The following PPP4R1 variants were observed in gnomAD, a reference collection of about 807,000 sequenced individuals.
The protein encoded by PPP4R1 is protein phosphatase 4 regulatory subunit 1, also known as serine/threonine-protein phosphatase 4 regulatory subunit 1.
In PPP4R1, 42 loss-of-function variants were observed where a neutral mutation model predicts 111.2. The ratio of observed to expected loss-of-function variants is 0.38; its 90% CI spans 0.29 to 0.49. The LOEUF (loss-of-function observed/expected upper bound fraction) is 0.49. Among genes scored for constraint, PPP4R1 ranks in the 20% least tolerant of loss-of-function variants. PPP4R1 has a pLI of 0.97. For synonymous variants in PPP4R1, 409 were observed against 405.5 expected (o/e 1.01, Z -0.10); for missense variants, 1,012 against 1,161.6 (o/e 0.87, Z 1.87).
intron 18 of PPP4R1, 79 bp downstream of exon 18, chr18:9,549,973 G>A: frequency 1.3e-6 from 2 of 1,579,800 alleles, no homozygotes; most frequent in Non-Finnish European, 1.7e-6. Flanking sequence ...GGAAGAGGGT[G>A]AGAGAGAGGT....
At chr18:9,561,220 A>AATAATAATG (rs2066669770) in intron 13 of PPP4R1, among the ~76,000 whole-genome samples, 1 of 28,378 alleles carries the variant, frequency 3.5e-5, no homozygotes, top group Non-Finnish European at 7.2e-5. Flanking sequence ...CTCCATCTCT[A>AATAATAATG]ATAATAATAA....
intron 16 of PPP4R1, 197 bp from the exon 17 acceptor site, chr18:9,550,595 T>C (rs1441661567): frequency 8.2e-6 from 5 of 608,338 alleles, no homozygotes; most frequent in East Asian, 3.0e-5. Context: ...TTACATGCTA[T>C]TCAAGTTCCT....
At chr18:9,615,750 A>C (rs2067681060), upstream of PPP4R1, among the ~76,000 whole-genome samples, 2 of 152,142 alleles carry the variant, frequency 1.3e-5, no homozygotes, top group Admixed American at 6.6e-5. Context: ...AGGGAATTCT[A>C]AGTAGTTAAT....
At chr18:9,552,650 G>A (rs1249076800) in intron 16 of PPP4R1, among the ~76,000 whole-genome samples, 1 of 152,132 alleles carries the variant, frequency 6.6e-6, no homozygotes, top group East Asian at 1.9e-4. Flanking sequence ...ATATGGCCTT[G>A]CAAATTCACC....
chr18:9,590,625 C>T (rs988956253), intron 4 of PPP4R1, among the ~76,000 whole-genome samples: 5 of 151,884 alleles, frequency 3.3e-5, no homozygotes, highest in African/African-American at 1.2e-4. Flanking sequence ...TACAGACAAC[C>T]GATTTATTAA....
Position 9,563,557 on chromosome 18 carries a change from G to A in PPP4R1, c.1574-7C>T, listed in dbSNP as rs1238171310. ...GACAGCACTTCCACTTGTGCTACAG[G>A]CAAAATAAGGAAATGGACAAAGTGA... On this transcript the variant is annotated splice_region_variant and splice_polypyrimidine_tract_variant and intron_variant, in intron 11 of 19. Transcript: ENST00000400556. 2 of 1,569,484 alleles carry A rather than the reference G, an allele frequency of 1.3e-6. No homozygotes were observed. The highest frequency in any genetic ancestry group is 1.4e-5 in the African/African-American group (1 of 73,484).
chr18:9,581,421 C>A (rs1353497065), intron 9 of PPP4R1, among the ~76,000 whole-genome samples: 1 of 152,026 alleles, frequency 6.6e-6, no homozygotes, highest in Non-Finnish European at 1.5e-5. Flanking sequence ...CTGAAAAGTG[C>A]AATGACTAAA....
intron 2 of PPP4R1, among the ~76,000 whole-genome samples, chr18:9,598,422 G>A (rs917299734): frequency 5.3e-5 from 8 of 152,126 alleles, no homozygotes; most frequent in South Asian, 2.1e-4. Flanking sequence ...TCAGGCAGCC[G>A]GAGAAAAACT....
rs561732511 is a variant in PPP4R1, at chr18:9,581,974, T to C, written c.918+1143A>G. ...CTGTCTTTCAAAATTGAAGGTGAAA[T>C]AAGGACATTCACAGATAAATGAAAA... On this transcript the variant is annotated intron_variant, in intron 9 of 19. Transcript: ENST00000400556. 1.8e-4 allele frequency among the ~76,000 whole-genome samples: 27 copies of C among 152,108 alleles called. No homozygotes were observed. In the East Asian group the frequency reaches 5.0e-3, roughly 28 times the overall value.
At chr18:9,578,149 G>A (rs1398723186) in intron 9 of PPP4R1, among the ~76,000 whole-genome samples, 3 of 152,154 alleles carry the variant, frequency 2.0e-5, no homozygotes, top group Non-Finnish European at 4.4e-5. Flanking sequence ...ATGGAAGGAT[G>A]GACACAATCG....
At chr18:9,578,109 T>C (rs909693921) in intron 9 of PPP4R1, among the ~76,000 whole-genome samples, 1 of 152,172 alleles carries the variant, frequency 6.6e-6, no homozygotes, top group Non-Finnish European at 1.5e-5. Context: ...AAATCAGGAA[T>C]TTTTAAAACA....
intron 10 of PPP4R1, among the ~76,000 whole-genome samples, chr18:9,575,438 C>G (rs1329846877): frequency 6.6e-6 from 1 of 152,166 alleles, no homozygotes; most frequent in Non-Finnish European, 1.5e-5. Context: ...GTTTGTCAAA[C>G]TATGCAAAAG....
At chr18:9,579,809 T>G (rs370529484) in intron 9 of PPP4R1, among the ~76,000 whole-genome samples, 1 of 152,234 alleles carries the variant, frequency 6.6e-6, no homozygotes, top group East Asian at 1.9e-4. Flanking sequence ...CAGGAGGATG[T>G]GCATAGGTTA....
At chr18:9,562,549 A>G (rs548280559) in intron 12 of PPP4R1, among the ~76,000 whole-genome samples, 6 of 152,228 alleles carry the variant, frequency 3.9e-5, no homozygotes, top group Non-Finnish European at 8.8e-5. Flanking sequence ...AGATATATTA[A>G]TACTATTCAA....
chr18:9,549,583 C>T (rs2066456032), intron 18 of PPP4R1, among the ~76,000 whole-genome samples: 1 of 152,330 alleles, frequency 6.6e-6, no homozygotes, highest in South Asian at 2.1e-4. Context: ...CATTTTCACA[C>T]CTGCGCTCTG....
intron 9 of PPP4R1, among the ~76,000 whole-genome samples, chr18:9,579,517 C>CGTGT (rs3974278): frequency 0.19 from 28,609 of 147,652 alleles, 3,098 homozygotes; most frequent in Non-Finnish European, 0.24. Context: ...AGGATTTACA[C>CGTGT]GTGTGTGTGT....
intron 14 of PPP4R1, among the ~76,000 whole-genome samples, chr18:9,559,117 A>G (rs2066633609): frequency 6.6e-6 from 1 of 152,248 alleles, no homozygotes; most frequent in African/African-American, 2.4e-5. Context: ...TAAATCCTAT[A>G]TTCGGAACAA....
chr18:9,552,419 C>G lies in PPP4R1; in HGVS notation c.2291+903G>C, dbSNP rs777778711. ...GATATGCTAACTGCCCTTATCTGAC[C>G]ACTATCCGATACGTATTGCAACATC... On this transcript the variant is annotated intron_variant, in intron 16 of 19. Coordinates refer to ENST00000400556, the MANE Select transcript of PPP4R1 (RefSeq NM_001042388.3). Among the ~76,000 whole-genome samples, 14 of 152,094 alleles carry G rather than the reference C, an allele frequency of 9.2e-5. No homozygotes were observed. The South Asian group carries it at 1.2e-3, about 13-fold the overall frequency.
intron 10 of PPP4R1, among the ~76,000 whole-genome samples, chr18:9,574,052 G>C (rs1296543604): frequency 1.3e-5 from 2 of 152,070 alleles, no homozygotes; most frequent in Non-Finnish European, 2.9e-5. Flanking sequence ...ACAAAATCAA[G>C]CTGTTCAATG....
Sources: allele counts gnomAD v4.1 joint callset (sites outside exome capture counted in the v4.1 genomes callset), GRCh38; gene constraint gnomAD v4.1.1; transcripts MANE v1.5; gene names NCBI Gene and HGNC (gene_info 2026-07-23, HGNC 2026-07-21).